Variants in BTNL9 observed in about 807,000 individuals in gnomAD.
BTNL9 encodes butyrophilin-like protein 9.
In BTNL9, 45 loss-of-function variants were observed where a neutral mutation model predicts 45.8. The ratio of observed to expected loss-of-function variants is 0.98; its 90% CI spans 0.77 to 1.26. BTNL9 has a LOEUF of 1.26. Ranked by LOEUF, BTNL9 falls within the 50% of genes most tolerant of loss-of-function variation. The probability of loss-of-function intolerance (pLI) is 0.00; values close to 1 mark genes in which losing one functional copy is unlikely to be tolerated. For synonymous variants in BTNL9, 346 were observed against 330.8 expected (o/e 1.05, Z -0.50); for missense variants, 784 against 729.7 (o/e 1.07, Z -0.86).
Position 181,042,339 on chromosome 5 carries a change from C to T in BTNL9, c.-24+1907C>T, listed in dbSNP as rs528950289. 2.0e-5 allele frequency among the ~76,000 whole-genome samples: 3 copies of T among 152,028 alleles called. No homozygotes were observed. The highest frequency in any genetic ancestry group is 4.4e-5 in the Non-Finnish European group (3 of 68,032). On this transcript the variant is annotated intron_variant, in intron 1 of 10. Coordinates refer to ENST00000327705, the MANE Select transcript of BTNL9 (RefSeq NM_152547.5). This position sits in a 1 kb window ranked among gnomAD's most constrained non-coding sequence, Gnocchi z 4.5. ...TTCCTTCTTCCCCAAATATCCGACG[C>T]GTCCAGTCCCTTACTCCTTCCCCAG...
intron 7 of BTNL9, chr5:181,054,574 C>T (rs370200512): frequency 1.0e-6 from 1 of 985,424 alleles, no homozygotes; most frequent in Non-Finnish European, 1.2e-6. Flanking sequence ...ATGCAAATGG[C>T]ACTAGGAAGG....
intron 2 of BTNL9, among the ~76,000 whole-genome samples, chr5:181,046,658 C>G (rs1256513395): frequency 6.6e-6 from 1 of 151,060 alleles, no homozygotes; most frequent in Non-Finnish European, 1.5e-5. Flanking sequence ...TTTATGTGAC[C>G]ATGGCTGAGA....
intron 1 of BTNL9, chr5:181,043,481 C>G (rs1760916275): frequency 6.6e-6 from 1 of 152,282 alleles, no homozygotes; most frequent in African/African-American, 2.4e-5. Flanking sequence ...AGTGAGTGCT[C>G]CTTCTGTGAG....
At chr5:181,054,788 G>A (rs1030405999) in intron 7 of BTNL9, 1 of 985,398 alleles carries the variant, frequency 1.0e-6, no homozygotes, top group Non-Finnish European at 1.2e-6. Context: ...GGTTGGGAAA[G>A]CTTGTCTGGC....
chr5:181,049,301 T>C (rs758953302), intron 3 of BTNL9, among the ~76,000 whole-genome samples: 4 of 152,134 alleles, frequency 2.6e-5, no homozygotes, highest in Non-Finnish European at 5.9e-5. Context: ...AATTGCAAAA[T>C]AGTGGAAACC....
In BTNL9 at chr5:181,053,620, C is replaced by T. The variant is rs1299869873; in HGVS notation, c.886+119C>T. On this transcript the variant is annotated intron_variant, in intron 6 of 10. Coordinates refer to ENST00000327705, the MANE Select transcript of BTNL9 (RefSeq NM_152547.5). This position sits in a 1 kb window ranked among gnomAD's most constrained non-coding sequence, Gnocchi z 6.5. ...CAGCGCGAGGTGTCAGGGCGGCCAC[C>T]GGGGAACGGGGATCGGTGACCCCGG... is the stretch of plus-strand genomic sequence containing the variant. 3.2e-6 allele frequency: 5 copies of T among 1,544,780 alleles called. No homozygotes were observed. The highest frequency in any genetic ancestry group is 4.4e-6 in the Non-Finnish European group (5 of 1,143,268).
chr5:181,045,728 T>G, intron 2 of BTNL9, 130 bp downstream of exon 2: 1 of 725,704 alleles, frequency 1.4e-6, no homozygotes, highest in Middle Eastern at 2.8e-4. Flanking sequence ...ACTTCCATCC[T>G]GGTTGTTAAA....
rs772224266 is a variant in BTNL9 at position 181,050,106 on chromosome 5, A to C, written c.473A>C (p.His158Pro). The C allele has an allele frequency of 5.0e-6, 8 of 1,613,692 alleles. No homozygotes were observed. Among genetic ancestry groups the C allele is most frequent in the Non-Finnish European group, 5.9e-6 (7 of 1,179,924 alleles). The change falls in exon 4 of 11, where the codon CAC (histidine) becomes CCC (proline). Residue 158 changes from histidine to proline, a missense_variant. Coordinates refer to ENST00000327705, the MANE Select transcript of BTNL9 (RefSeq NM_152547.5). This position sits in a 1 kb window ranked among gnomAD's most constrained non-coding sequence, Gnocchi z 4.9. Reference sequence around the variant, plus strand: ...CCACCAGGGCTGGGCTCAGACCCTCACCTCTCCCTTGAGGGCTTCAAGGAA... The same window carrying C: ...CCACCAGGGCTGGGCTCAGACCCTCCCCTCTCCCTTGAGGGCTTCAAGGAA... ...LEVAGLGSDP[H>P]LSLEGFKEGG...
At position 181,061,388 on chromosome 5, in the gene BTNL9, A is replaced by G. The variant is rs963917901; in HGVS notation, c.*1526A>G. ...GGGTGGCGGGGAGAAGGATACACCA[A>G]AAAACTAAGTGATTATCTTTGGATG... On this transcript the variant is annotated 3_prime_UTR_variant, in exon 11 of 11. Coordinates refer to ENST00000327705, the MANE Select transcript of BTNL9 (RefSeq NM_152547.5). The G allele has an allele frequency of 2.0e-5, 3 of 152,198 alleles. No individual in the cohort carries two copies. Among genetic ancestry groups the G allele is most frequent in the African/African-American group, 7.2e-5 (3 of 41,430 alleles). The allele number at this position is 152,198 out of a possible 1,614,324, so 9.4% of individuals were successfully genotyped here.
Position 181,050,484 on chromosome 5 carries a change from G to A in BTNL9, c.736+115G>A. The A allele has an allele frequency of 3.8e-6, 5 of 1,313,082 alleles. No homozygotes were observed. Among genetic ancestry groups the A allele is most frequent in the Non-Finnish European group, 4.2e-6 (4 of 948,216 alleles). 81.3% of individuals were successfully genotyped at this position (1,313,082 alleles called of 1,614,324 possible). On this transcript the variant is annotated intron_variant, in intron 4 of 10. Coordinates refer to ENST00000327705, the MANE Select transcript of BTNL9 (RefSeq NM_152547.5). This position sits in a 1 kb window ranked among gnomAD's most constrained non-coding sequence, Gnocchi z 4.9. ...CTGCGCCTGTCTGCATATAGGGTGT[G>A]TTGGCCTTGACACCTGAAAAGTCAG...
chr5:181,053,329 G>A lies in BTNL9; in HGVS notation c.853+13G>A. 6.5e-7 allele frequency: 1 copy of A among 1,537,024 alleles called. No homozygotes were observed. Among genetic ancestry groups the A allele is most frequent in the Non-Finnish European group, 8.7e-7 (1 of 1,142,880 alleles). ...CGGAGAAGCCGAGGTACCGGCGCGG[G>A]CGGCGGGGCGGGGAGGGGCACCGGC... is the stretch of plus-strand genomic sequence containing the variant. On this transcript the variant is annotated intron_variant, in intron 5 of 10. Coordinates refer to ENST00000327705, the MANE Select transcript of BTNL9 (RefSeq NM_152547.5). The surrounding 1 kb of genome is among the most constrained non-coding windows in gnomAD (Gnocchi z 6.5).
At chr5:181,043,273 T>A (rs1057295996) in intron 1 of BTNL9, 3 of 150,388 alleles carry the variant, frequency 2.0e-5, no homozygotes, top group Non-Finnish European at 2.9e-5. Context: ...TGTCTGTGTG[T>A]GTGTGCATGT....
At chr5:181,054,118 C>T (rs1167539816) in intron 6 of BTNL9, 121 bp from the exon 7 acceptor site, 1 of 1,559,990 alleles carries the variant, frequency 6.4e-7, no homozygotes, top group Non-Finnish European at 8.7e-7. Context: ...CAGACCACCG[C>T]GGGTGGGAGT....
rs1410562480 is a variant in BTNL9 at position 181,057,536 on chromosome 5, T to C, written c.956-816T>C. Among the ~76,000 whole-genome samples, 5 of 152,272 alleles carry C rather than the reference T, an allele frequency of 3.3e-5. No homozygotes were observed. The East Asian group carries it at 7.7e-4, about 23-fold the overall frequency. ...TCATTGTTTTTACTGCTATGGCTTT[T>C]GTAGTAGCTGAAAGTACAAGTTTTC... On this transcript the variant is annotated intron_variant, in intron 9 of 10. Coordinates refer to ENST00000327705, the MANE Select transcript of BTNL9 (RefSeq NM_152547.5).
chr5:181,047,525 T>C (rs1373967830), intron 2 of BTNL9: 3 of 990,720 alleles, frequency 3.0e-6, no homozygotes, highest in African/African-American at 3.5e-5. Flanking sequence ...GGTATTTTTC[T>C]CTGCACATTT....
rs751983416 is a variant in BTNL9 at position 181,053,218 on chromosome 5, C to T, written c.755C>T (p.Ala252Val). Residue 252 changes from alanine (A) to valine (V), a missense_variant, in exon 5 of 11, where the codon GCC becomes GTC. Ala to Val is a moderately conservative substitution (Grantham distance 64). Coordinates refer to ENST00000327705, the MANE Select transcript of BTNL9 (RefSeq NM_152547.5). The surrounding 1 kb of genome is among the most constrained non-coding windows in gnomAD (Gnocchi z 6.5). ...VQIADVFVPGASAWKSAFVAT... is the reference protein window; with the variant it reads ...VQIADVFVPGVSAWKSAFVAT... ...TTTCCAGACGTGTTCGTACCCGGAG[C>T]CTCTGCGTGGAAGAGCGCGTTCGTC... The T allele has an allele frequency of 3.8e-6, 6 of 1,587,548 alleles. No homozygotes were observed. The highest frequency in any genetic ancestry group is 1.7e-4 in the Middle Eastern group (1 of 5,988).
Position 181,050,967 on chromosome 5 carries a change from A to G in BTNL9, c.736+598A>G, listed in dbSNP as rs1761498906. ...CCCGGCATAGTGGCAGGCGCCTGTA[A>G]TCCCAGCTACTCGGGAGGCTGAGGC... On this transcript the variant is annotated intron_variant, in intron 4 of 10. Coordinates refer to ENST00000327705, the MANE Select transcript of BTNL9 (RefSeq NM_152547.5). The surrounding 1 kb of genome is among the most constrained non-coding windows in gnomAD (Gnocchi z 4.9). Among the ~76,000 whole-genome samples the G allele has an allele frequency of 1.3e-5, 2 of 151,868 alleles. No individual in the cohort carries two copies. Among genetic ancestry groups the G allele is most frequent in the Non-Finnish European group, 2.9e-5 (2 of 67,920 alleles).
chr5:181,045,335 GCT>G, intron 1 of BTNL9, 130 bp from the exon 2 acceptor site: 1 of 592,442 alleles, frequency 1.7e-6, no homozygotes, highest in Non-Finnish European at 3.0e-6. Flanking sequence ...GAAGCCAAGC[GCT>G]GAGGCTTGTA....
Position 181,053,713 on chromosome 5 carries a change from G to A in BTNL9, c.886+212G>A. On this transcript the variant is annotated intron_variant, in intron 6 of 10. Transcript: ENST00000327705. This position sits in a 1 kb window ranked among gnomAD's most constrained non-coding sequence, Gnocchi z 6.5. Reference sequence around the variant, plus strand: ...GCGGAACGGCTGCATTTTCCACGGAGGCTAGTGCACAGATGTCAGGGTTGA... The same window carrying A: ...GCGGAACGGCTGCATTTTCCACGGAAGCTAGTGCACAGATGTCAGGGTTGA... 3 of 1,512,072 alleles carry A rather than the reference G, an allele frequency of 2.0e-6. No homozygotes were observed. The highest frequency in any genetic ancestry group is 2.7e-6 in the Non-Finnish European group (3 of 1,128,160). 93.7% of individuals were successfully genotyped at this position (1,512,072 alleles called of 1,614,324 possible).
Sources: allele counts gnomAD v4.1 joint callset (sites outside exome capture counted in the v4.1 genomes callset), GRCh38; gene constraint gnomAD v4.1.1; non-coding constraint Gnocchi (gnomAD v3.1); transcripts MANE v1.5; gene names NCBI Gene and HGNC (gene_info 2026-07-23, HGNC 2026-07-21).